Variants in PDE11A observed in about 807,000 individuals in gnomAD.
The protein encoded by PDE11A is phosphodiesterase 11A, also known as dual 3',5'-cyclic-AMP and -GMP phosphodiesterase 11A.
In PDE11A, 100 loss-of-function variants were observed where a neutral mutation model predicts 100.5. The observed-to-expected ratio is 1.00, with a 90% confidence interval of 0.85 to 1.18. PDE11A has a LOEUF of 1.18. Ranked by LOEUF, PDE11A falls within the 50% of genes most tolerant of loss-of-function variation. PDE11A has a pLI of 0.00. For synonymous variants in PDE11A, 381 were observed against 420.8 expected, an observed-to-expected ratio of 0.91 and a Z score of 1.16; for missense variants, 1,141 against 1,152.6, an observed-to-expected ratio of 0.99 and a Z score of 0.15.
At chr2:178,098,523 C>T (rs996326242) in intron 2 of PDE11A, among the ~76,000 whole-genome samples, 6 of 152,058 alleles carry the variant, frequency 3.9e-5, no homozygotes, top group Admixed American at 3.9e-4. Context: ...CTTTCTCATC[C>T]TTCATAGAGG....
At chr2:177,826,154 T>C (rs2083223199) in intron 6 of PDE11A, among the ~76,000 whole-genome samples, 1 of 152,202 alleles carries the variant, frequency 6.6e-6, no homozygotes, top group African/African-American at 2.4e-5. Context: ...GAGTGCTTAG[T>C]TCTTTCCAAG....
chr2:178,032,605 A>AGTCT (rs2105842118), intron 1 of PDE11A, among the ~76,000 whole-genome samples: 1 of 152,306 alleles, frequency 6.6e-6, no homozygotes, highest in African/African-American at 2.4e-5. Flanking sequence ...CCTTACTGGG[A>AGTCT]GAAACCTCCC....
At chr2:177,788,289 C>T (rs1166317221) in intron 9 of PDE11A, among the ~76,000 whole-genome samples, 3 of 145,372 alleles carry the variant, frequency 2.1e-5, no homozygotes, top group African/African-American at 7.7e-5. Context: ...TGAATGACTA[C>T]TGGGTACGTA....
chr2:177,659,734 TGGCAATTTCAA>T (rs1357013380), intron 19 of PDE11A, among the ~76,000 whole-genome samples: 3 of 152,200 alleles, frequency 2.0e-5, no homozygotes, highest in African/African-American at 7.2e-5. Flanking sequence ...AAGGCTGGTG[TGGCAATTTCAA>T]AGTTTGATTG....
intron 15 of PDE11A, among the ~76,000 whole-genome samples, chr2:177,695,733 AGGACTTCCT>A (rs1166806103): frequency 6.6e-6 from 1 of 152,166 alleles, no homozygotes; most frequent in Non-Finnish European, 1.5e-5. Flanking sequence ...GTGTTAGTAG[AGGACTTCCT>A]GGGTGCTAAG....
At chr2:177,939,175 T>A (rs927816180) in intron 2 of PDE11A, among the ~76,000 whole-genome samples, 1 of 152,162 alleles carries the variant, frequency 6.6e-6, no homozygotes, top group Non-Finnish European at 1.5e-5. Flanking sequence ...AAAGGATTTT[T>A]AAGATGTTTT....
In PDE11A at chr2:177,875,923, C is replaced by T; in HGVS notation, c.1303G>A (p.Val435Met). 6.3e-7 allele frequency: 1 copy of T among 1,593,406 alleles called. No homozygotes were observed. The highest frequency in any genetic ancestry group is 1.7e-5 in the Admixed American group (1 of 59,996). The change falls in exon 5 of 20, where the codon GTG (valine) becomes ATG (methionine). Residue 435 changes from valine to methionine, a missense_variant and splice_region_variant. Transcript: ENST00000286063. ...TCAAAGGATTTGGTAAATTTCACCA[C>T]CTGTCGCATAGAAAGATAATAAATC... ...VLLLEDIESP[V>M]VKFTKSFELM...
chr2:178,011,718 C>G (rs139410034), intron 2 of PDE11A, among the ~76,000 whole-genome samples: 1 of 152,210 alleles, frequency 6.6e-6, no homozygotes, highest in African/African-American at 2.4e-5. Context: ...TGAGAACTTA[C>G]TAAGTCCTAA....
At chr2:178,003,986 T>C (rs1345031216) in intron 2 of PDE11A, among the ~76,000 whole-genome samples, 1 of 152,188 alleles carries the variant, frequency 6.6e-6, no homozygotes, top group African/African-American at 2.4e-5. Flanking sequence ...AAATAAACTA[T>C]TGTATAAGTA....
chr2:177,814,971 G>A lies in PDE11A; in HGVS notation c.1737+1858C>T, dbSNP rs116949804. Among the ~76,000 whole-genome samples the A allele has an allele frequency of 1.6e-4, 25 of 152,320 alleles. No individual in the cohort carries two copies. In the East Asian group the frequency reaches 4.0e-3, roughly 25 times the overall value. ...GGACGACGATGTGCCAGAGGTAGAT[G>A]AGAAGTGAGAATATGGGCATATGTA... On this transcript the variant is annotated intron_variant, in intron 9 of 19. Coordinates refer to ENST00000286063, the MANE Select transcript of PDE11A (RefSeq NM_016953.4).
chr2:178,086,866 T>C (rs2087364383), intron 2 of PDE11A, among the ~76,000 whole-genome samples: 1 of 152,336 alleles, frequency 6.6e-6, no homozygotes, highest in South Asian at 2.1e-4. Context: ...TGTTTGACTT[T>C]GGAGAAGTTT....
intron 10 of PDE11A, among the ~76,000 whole-genome samples, chr2:177,761,330 G>C (rs756486353): frequency 9.2e-5 from 14 of 152,204 alleles, no homozygotes; most frequent in Non-Finnish European, 1.9e-4. Context: ...GGGTGAAATT[G>C]TCAGAAATTT....
In PDE11A at chr2:177,889,355, A is replaced by G. The variant is rs561756032; in HGVS notation, c.1302+8703T>C. Among the ~76,000 whole-genome samples the G allele has an allele frequency of 3.3e-5, 5 of 152,324 alleles. No homozygotes were observed. In the South Asian group the frequency reaches 8.3e-4, roughly 25 times the overall value. ...GCTTTTTTCAACATCTTTGAAGTCTATTAACACCAAATGTGTTTCAGTGCT... is the reference window on the plus strand; with the variant it reads ...GCTTTTTTCAACATCTTTGAAGTCTGTTAACACCAAATGTGTTTCAGTGCT... On this transcript the variant is annotated intron_variant, in intron 4 of 19. Coordinates refer to ENST00000286063, the MANE Select transcript of PDE11A (RefSeq NM_016953.4).
chr2:177,682,458 G>C (rs1032652110), intron 15 of PDE11A, among the ~76,000 whole-genome samples: 6 of 152,002 alleles, frequency 3.9e-5, no homozygotes. Context: ...GACACTTTTT[G>C]GTTTACAACT....
At position 177,625,568 on chromosome 2, in the gene PDE11A, A is replaced by C. The variant is rs1320000495; in HGVS notation, c.*3839T>G. On this transcript the variant is annotated 3_prime_UTR_variant, in exon 20 of 20. Transcript: ENST00000286063. ...TGTCTGAAAAAAATACATCTCATCG[A>C]AAAAGTAGGATGAAGTTATTTCAAC... 2 of 152,236 alleles carry C rather than the reference A, an allele frequency of 1.3e-5. No individual in the cohort carries two copies. The highest frequency in any genetic ancestry group is 2.9e-5 in the Non-Finnish European group (2 of 68,032). 9.4% of individuals were successfully genotyped at this position (152,236 alleles called of 1,614,324 possible).
At chr2:177,949,420 A>G (rs1047304574) in intron 2 of PDE11A, among the ~76,000 whole-genome samples, 3 of 152,146 alleles carry the variant, frequency 2.0e-5, no homozygotes, top group African/African-American at 7.2e-5. Flanking sequence ...GCCTTTCTCA[A>G]TATTTTCTTT....
chr2:177,669,291 C>T (rs755842105), intron 18 of PDE11A, among the ~76,000 whole-genome samples: 1 of 152,098 alleles, frequency 6.6e-6, no homozygotes, highest in Non-Finnish European at 1.5e-5. Flanking sequence ...GCAGGAAATG[C>T]TTGTTAAGTA....
intron 2 of PDE11A, among the ~76,000 whole-genome samples, chr2:177,939,933 A>C (rs1279247688): frequency 1.3e-5 from 2 of 152,264 alleles, no homozygotes; most frequent in African/African-American, 4.8e-5. Flanking sequence ...TAAACTTATA[A>C]AATTTTATGA....
chr2:178,022,482 T>A (rs1446265846), intron 1 of PDE11A, among the ~76,000 whole-genome samples: 4 of 1,320 alleles, frequency 3.0e-3, no homozygotes, highest in East Asian at 0.5. Flanking sequence ...ACATAGACGA[T>A]TTTTTTTTTT....
Sources: allele counts gnomAD v4.1 joint callset (sites outside exome capture counted in the v4.1 genomes callset), GRCh38; gene constraint gnomAD v4.1.1; transcripts MANE v1.5; gene names NCBI Gene and HGNC (gene_info 2026-07-23, HGNC 2026-07-21).